Variants in SPINK5 observed in about 807,000 individuals in gnomAD.
The protein encoded by SPINK5 is serine protease inhibitor Kazal-type 5.
Under a neutral mutation model 151.8 loss-of-function variants are expected in SPINK5, and 125 were observed. The observed-to-expected ratio is 0.82, with a 90% CI of 0.71 to 0.96. The LOEUF (loss-of-function observed/expected upper bound fraction) is 0.96, where lower values mean the gene tolerates loss of function less well. SPINK5 is among the 40% of genes least tolerant of loss of function. The pLI is 0.00. For missense variants in SPINK5, 1,194 were observed against 1,291.9 expected (o/e 0.92, Z 1.16); for synonymous variants, 374 against 395.3 (o/e 0.95, Z 0.64).
chr5:148,088,970 T>C, intron 6 of SPINK5: 1 of 472,572 alleles, frequency 2.1e-6, no homozygotes, highest in Non-Finnish European at 4.2e-6. Flanking sequence ...ACAAATTACT[T>C]AACCTAAAAT....
intron 2 of SPINK5, among the ~76,000 whole-genome samples, chr5:148,069,715 C>T (rs1752689814): frequency 6.6e-6 from 1 of 152,016 alleles, no homozygotes; most frequent in Admixed American, 6.6e-5. Flanking sequence ...CAGTGAAGGG[C>T]CCTGAATCTT....
At chr5:148,098,823 AC>A (rs1253554965) in intron 11 of SPINK5, among the ~76,000 whole-genome samples, 1 of 151,756 alleles carries the variant, frequency 6.6e-6, no homozygotes, top group African/African-American at 2.4e-5. Context: ...TGTAGCAAAG[AC>A]CCCCTCTACC....
chr5:148,068,500 G>A (rs1752641865), intron 2 of SPINK5, among the ~76,000 whole-genome samples: 1 of 133,988 alleles, frequency 7.5e-6, no homozygotes, highest in Non-Finnish European at 1.5e-5. Context: ...AAAGATATAG[G>A]AGACTACTGG....
chr5:148,092,730 T>C (rs1018668660), intron 8 of SPINK5, among the ~76,000 whole-genome samples: 1 of 151,950 alleles, frequency 6.6e-6, no homozygotes, highest in Non-Finnish European at 1.5e-5. Flanking sequence ...TTTTATACCA[T>C]GCTATGATTA....
chr5:148,117,153 T>C (rs1287252465), intron 22 of SPINK5, among the ~76,000 whole-genome samples: 1 of 152,202 alleles, frequency 6.6e-6, no homozygotes, highest in Non-Finnish European at 1.5e-5. Context: ...ATCAAAACCA[T>C]GTCTTCACTT....
In SPINK5 at chr5:148,118,492, G is replaced by A. The variant is rs755881402; in HGVS notation, c.2168G>A (p.Arg723Gln). The A allele has an allele frequency of 2.5e-5, 41 of 1,613,966 alleles. No individual in the cohort carries two copies. In the Middle Eastern group the frequency reaches 8.2e-4, roughly 32 times the overall value. The change falls in exon 23 of 33, where the codon CGG (arginine) becomes CAG (glutamine). Residue 723 changes from arginine to glutamine, a missense_variant. Physicochemically the swap from Arg to Gln is conservative, Grantham distance 43. Transcript: ENST00000256084. The part of the protein sequence containing the change: ...QMKNGRLSCT[R>Q]ESDPVRDADG... ...AAAAATGGAAGACTCAGCTGTACTC[G>A]GGAGAGTGATCCTGTACGTGATGCT...
intron 18 of SPINK5, among the ~76,000 whole-genome samples, 162 bp from the exon 19 acceptor site, chr5:148,111,606 G>A (rs548155100): frequency 6.6e-6 from 1 of 152,318 alleles, no homozygotes; most frequent in Non-Finnish European, 1.5e-5. Context: ...TGTTCCAAAT[G>A]TGTGACCTAG....
intron 10 of SPINK5, 68 bp downstream of exon 10, chr5:148,095,973 T>C: frequency 8.2e-7 from 1 of 1,224,516 alleles, no homozygotes; most frequent in South Asian, 1.2e-5. Flanking sequence ...TGTGAGAGAG[T>C]GCATATTACA....
intron 5 of SPINK5, among the ~76,000 whole-genome samples, chr5:148,086,820 T>C (rs1753169144): frequency 6.6e-6 from 1 of 150,680 alleles, no homozygotes; most frequent in Non-Finnish European, 1.5e-5. Flanking sequence ...CTATAAAATG[T>C]TATAGATTTT....
chr5:148,115,418 T>C (rs1455642995), intron 21 of SPINK5, among the ~76,000 whole-genome samples: 3 of 152,216 alleles, frequency 2.0e-5, no homozygotes, highest in Non-Finnish European at 1.5e-5. Flanking sequence ...TTTAGGAAGA[T>C]TCATTTGTTA....
At chr5:148,133,031 A>G (rs1754610941) in intron 31 of SPINK5, among the ~76,000 whole-genome samples, 1 of 152,114 alleles carries the variant, frequency 6.6e-6, no homozygotes, top group Admixed American at 6.5e-5. Context: ...ATTTTCATCA[A>G]CTTTATAGAC....
At chr5:148,078,732 T>C (rs542862676) in intron 4 of SPINK5, among the ~76,000 whole-genome samples, 20 of 150,864 alleles carry the variant, frequency 1.3e-4, no homozygotes, top group Admixed American at 6.6e-4. Context: ...ATAATTTGAA[T>C]TGAATGAAAA....
chr5:148,102,875 A>T (rs1753685248), intron 15 of SPINK5, among the ~76,000 whole-genome samples: 1 of 152,092 alleles, frequency 6.6e-6, no homozygotes, highest in South Asian at 2.1e-4. Flanking sequence ...AGATTTTATT[A>T]TGTAGGAGTT....
At chr5:148,101,228 G>C in intron 13 of SPINK5, 127 bp from the exon 14 acceptor site, 1 of 730,378 alleles carries the variant, frequency 1.4e-6, no homozygotes, top group Non-Finnish European at 2.5e-6. Context: ...TGTAAGCACA[G>C]GGTTAGGCAC....
At chr5:148,081,167 G>C (rs527847431) in intron 4 of SPINK5, among the ~76,000 whole-genome samples, 1 of 151,620 alleles carries the variant, frequency 6.6e-6, no homozygotes, top group South Asian at 2.1e-4. Context: ...TAGTCAGATC[G>C]GGGTAATATA....
Position 148,070,399 on chromosome 5 carries a change from G to C in SPINK5, c.158G>C (p.Ser53Thr), listed in dbSNP as rs2127189609. The C allele has an allele frequency of 1.2e-6, 2 of 1,612,834 alleles. No individual in the cohort carries two copies. The highest frequency in any genetic ancestry group is 2.2e-5 in the East Asian group (1 of 44,746). The stretch of plus-strand genomic sequence containing the variant: ...CCCCAGGATAAGAAATTTTTTCAAA[G>C]TCTTGATGGAATAATGTTCATCAAT... The part of the protein sequence containing the change: ...FCPQDKKFFQ[S>T]LDGIMFINKC... Residue 53 changes from serine (S) to threonine (T), a missense_variant, in exon 3 of 33, where the codon AGT (serine) becomes ACT (threonine). By Grantham distance (58) the Ser-to-Thr change is moderately conservative. Transcript: ENST00000256084.
At position 148,091,145 on chromosome 5, in the gene SPINK5, C is replaced by G; in HGVS notation, c.603-20C>G. 6.2e-7 allele frequency: 1 copy of G among 1,606,544 alleles called. No individual in the cohort carries two copies. Among genetic ancestry groups the G allele is most frequent in the South Asian group, 1.1e-5 (1 of 90,714 alleles). On this transcript the variant is annotated intron_variant, in intron 7 of 32. Transcript: ENST00000256084. ...TATGATTGAGTCATAAACTGACCAA[C>G]TGTTTACTTTTCTTAACAGTTTAAA...
At chr5:148,074,052 A>G (rs72652849) in intron 4 of SPINK5, among the ~76,000 whole-genome samples, 9,271 of 151,830 alleles carry the variant, frequency 0.061, 477 homozygotes, top group East Asian at 0.25. Context: ...GGATTCATCC[A>G]ATTATACCAT....
intron 4 of SPINK5, among the ~76,000 whole-genome samples, chr5:148,075,736 G>A (rs1340717315): frequency 1.3e-5 from 2 of 151,642 alleles, no homozygotes; most frequent in Non-Finnish European, 2.9e-5. Context: ...CTGACTTTAG[G>A]AATAAAACGA....
Sources: gnomAD v4.1 joint callset for allele counts (sites outside exome capture counted in the v4.1 genomes callset) on GRCh38, gnomAD v4.1.1 for gene constraint, MANE v1.5 for transcripts, NCBI Gene and HGNC (gene_info 2026-07-23, HGNC 2026-07-21) for gene names.